CNTNAP2: variants seen among roughly 807,000 people sequenced by gnomAD.
The protein encoded by CNTNAP2 is contactin associated protein 2.
CNTNAP2 carries 98 observed loss-of-function variants against 155.2 expected under a neutral mutation model. That is an observed-to-expected ratio of 0.63 (90% CI 0.54 to 0.75). The LOEUF (loss-of-function observed/expected upper bound fraction) is 0.75. Ranked by LOEUF, CNTNAP2 falls within the 30% of genes least tolerant of loss-of-function variation. CNTNAP2 has a pLI of 0.00. For missense variants in CNTNAP2, 1,727 were observed against 1,688.1 expected (o/e 1.02, Z -0.40); for synonymous variants, 651 against 631.2 (o/e 1.03, Z -0.47).
chr7:147,891,642 A>G (rs1362834030), intron 13 of CNTNAP2, among the ~76,000 whole-genome samples: 1 of 152,234 alleles, frequency 6.6e-6, no homozygotes, highest in Non-Finnish European at 1.5e-5. Context: ...TTAAATATTT[A>G]AATGCAAAGA....
chr7:147,388,280 C>CAA (rs1796655082), intron 9 of CNTNAP2, among the ~76,000 whole-genome samples: 1 of 152,122 alleles, frequency 6.6e-6, no homozygotes, highest in African/African-American at 2.4e-5. Context: ...TTTGGTGTGG[C>CAA]AAAATGTTCC....
chr7:146,347,821 C>T (rs1387125300), intron 1 of CNTNAP2, among the ~76,000 whole-genome samples: 1 of 152,174 alleles, frequency 6.6e-6, no homozygotes, highest in East Asian at 1.9e-4. Flanking sequence ...TCTCCTTGTC[C>T]TCCCATAGTG....
chr7:147,035,116 C>T (rs1291653930), intron 3 of CNTNAP2, among the ~76,000 whole-genome samples: 1 of 152,116 alleles, frequency 6.6e-6, no homozygotes, highest in African/African-American at 2.4e-5. Flanking sequence ...TCCTGCTGAT[C>T]TCCTACTATG....
At chr7:146,722,091 T>A (rs1801347026) in intron 1 of CNTNAP2, among the ~76,000 whole-genome samples, 1 of 151,326 alleles carries the variant, frequency 6.6e-6, no homozygotes, top group African/African-American at 2.4e-5. Flanking sequence ...GTTTTCACCA[T>A]GTTGGCCAGG....
At chr7:148,304,130 C>A (rs948840140) in intron 21 of CNTNAP2, among the ~76,000 whole-genome samples, 4 of 151,864 alleles carry the variant, frequency 2.6e-5, no homozygotes, top group Admixed American at 6.5e-5. Flanking sequence ...TTAACCAAAA[C>A]TAAAAATAAA....
chr7:147,739,785 T>A (rs984884855), intron 13 of CNTNAP2, among the ~76,000 whole-genome samples: 1 of 152,106 alleles, frequency 6.6e-6, no homozygotes, highest in Admixed American at 6.5e-5. Context: ...ATATCATCAA[T>A]GAAATATATA....
chr7:148,334,476 G>A (rs11763534), intron 21 of CNTNAP2, among the ~76,000 whole-genome samples: 32,657 of 152,192 alleles, frequency 0.21, 3,904 homozygotes, highest in Middle Eastern at 0.32. Context: ...GCAGTGGCTG[G>A]CACCATGGAC....
At chr7:146,719,397 T>A (rs976768146) in intron 1 of CNTNAP2, among the ~76,000 whole-genome samples, 1 of 152,178 alleles carries the variant, frequency 6.6e-6, no homozygotes, top group African/African-American at 2.4e-5. Flanking sequence ...TTGAGAGAAG[T>A]ATAACAGTAG....
intron 3 of CNTNAP2, among the ~76,000 whole-genome samples, chr7:146,867,268 G>A (rs1795222997): frequency 6.7e-6 from 1 of 149,942 alleles, no homozygotes; most frequent in African/African-American, 2.5e-5. Flanking sequence ...AGGAACATGT[G>A]GTATTTGGTT....
intron 1 of CNTNAP2, among the ~76,000 whole-genome samples, chr7:146,378,802 T>C (rs573571832): frequency 1.2e-4 from 18 of 152,328 alleles, no homozygotes; most frequent in African/African-American, 4.3e-4. Flanking sequence ...GGAGTAAACT[T>C]TCTTGTTTTC....
intron 1 of CNTNAP2, among the ~76,000 whole-genome samples, chr7:146,483,233 G>A (rs1378000782): frequency 9.4e-5 from 13 of 137,610 alleles, no homozygotes; most frequent in Admixed American, 1.6e-4. Context: ...CCAAGATCGC[G>A]CCACTGCACT....
intron 8 of CNTNAP2, among the ~76,000 whole-genome samples, chr7:147,288,921 A>G (rs968551656): frequency 3.9e-5 from 6 of 152,148 alleles, no homozygotes; most frequent in South Asian, 2.1e-4. Context: ...TTATACATAC[A>G]TGTACTTTGT....
chr7:147,172,939 T>C (rs1644641603), intron 8 of CNTNAP2, among the ~76,000 whole-genome samples: 1 of 152,118 alleles, frequency 6.6e-6, no homozygotes, highest in South Asian at 2.1e-4. Context: ...GTAATATAAC[T>C]GTCACAGAAA....
rs796903508 is a variant in CNTNAP2, at chr7:146,698,293, A to AT, written c.98-75971dup. Among the ~76,000 whole-genome samples, 374 of 151,864 alleles carry AT rather than the reference A, an allele frequency of 2.5e-3. 2 individuals are homozygous for AT. The highest frequency in any genetic ancestry group is 6.7e-3 in the African/African-American group (279 of 41,438). On this transcript the variant is annotated intron_variant, in intron 1 of 23. Transcript: ENST00000361727. ...TAGATCCAATTTTCTAATCTGAGTC[A>AT]TTTTTTTCTCTGAGTAATTTCTTTT... is the stretch of plus-strand genomic sequence containing the variant.
At chr7:148,234,539 A>T (rs1796015565) in intron 20 of CNTNAP2, among the ~76,000 whole-genome samples, 1 of 152,242 alleles carries the variant, frequency 6.6e-6, no homozygotes, top group Admixed American at 6.5e-5. Flanking sequence ...CCCCAATAAA[A>T]GTCAGAGTCA....
intron 12 of CNTNAP2, among the ~76,000 whole-genome samples, chr7:147,627,515 G>A (rs946481778): frequency 3.3e-5 from 5 of 151,990 alleles, no homozygotes; most frequent in African/African-American, 1.2e-4. Flanking sequence ...GGCCAACATA[G>A]TGAAACCCTG....
At position 148,217,262 on chromosome 7, in the gene CNTNAP2, T is replaced by A. The variant is rs374815232; in HGVS notation, c.3011-26T>A. ...TCGGCATCAGACCTCTCCTCATTTT[T>A]CAATTCTCTCTCTCCTTTATAACAG... On this transcript the variant is annotated intron_variant, in intron 18 of 23. Transcript: ENST00000361727. 8.7e-6 allele frequency: 14 copies of A among 1,612,354 alleles called. No homozygotes were observed. The African/African-American group carries it at 1.7e-4, about 20-fold the overall frequency.
intron 21 of CNTNAP2, among the ~76,000 whole-genome samples, chr7:148,328,306 A>G (rs561310392): frequency 1.1e-4 from 17 of 152,230 alleles, no homozygotes; most frequent in Admixed American, 3.3e-4. Flanking sequence ...CACAGGAGGC[A>G]TCCTGTGTGA....
At position 147,934,728 on chromosome 7, in the gene CNTNAP2, A is replaced by G. The variant is rs547070832; in HGVS notation, c.2255+31007A>G. 8.5e-5 allele frequency among the ~76,000 whole-genome samples: 13 copies of G among 152,232 alleles called. No individual in the cohort carries two copies. In the South Asian group the frequency reaches 2.5e-3, roughly 29 times the overall value. On this transcript the variant is annotated intron_variant, in intron 14 of 23. Coordinates refer to ENST00000361727, the MANE Select transcript of CNTNAP2 (RefSeq NM_014141.6). ...TAACCCTACATAACCACAAAATGACAGGGATATAAGTCTCAGAGACTTTAA... is the reference window on the plus strand; with the variant it reads ...TAACCCTACATAACCACAAAATGACGGGGATATAAGTCTCAGAGACTTTAA...
Sources: allele counts gnomAD v4.1 joint callset (sites outside exome capture counted in the v4.1 genomes callset), GRCh38; gene constraint gnomAD v4.1.1; transcripts MANE v1.5; gene names NCBI Gene and HGNC (gene_info 2026-07-23, HGNC 2026-07-21).